The following EZH2 variants were observed in gnomAD, a reference collection of about 807,000 sequenced individuals.
The protein encoded by EZH2 is histone-lysine N-methyltransferase EZH2.
EZH2 carries 18 observed loss-of-function variants against 98.4 expected under a neutral mutation model. The ratio of observed to expected loss-of-function variants is 0.18; its 90% CI spans 0.13 to 0.27. EZH2 has a LOEUF of 0.27. EZH2 is among the 10% of genes least tolerant of loss of function. The pLI is 1.00. For synonymous variants in EZH2, 338 were observed against 312.3 expected (o/e 1.08, Z -0.87); for missense variants, 470 against 935.1 (o/e 0.50, Z 6.49).
Position 148,859,409 on chromosome 7 carries a change from G to A in EZH2, c.-7-12104C>T, listed in dbSNP as rs143925669. Among the ~76,000 whole-genome samples the A allele has an allele frequency of 1.7e-4, 26 of 152,158 alleles. No homozygotes were observed. The East Asian group carries it at 4.6e-3, about 27-fold the overall frequency. ...TAGTCCCGGCTACTAAGGAGGCTGA[G>A]GCATGAGAATCACTTGAGCCCAGGA... is the stretch of plus-strand genomic sequence containing the variant. On this transcript the variant is annotated intron_variant, in intron 1 of 19. Transcript: ENST00000320356.
intron 3 of EZH2, among the ~76,000 whole-genome samples, chr7:148,844,315 T>C (rs894228057): frequency 6.6e-6 from 1 of 152,246 alleles, no homozygotes; most frequent in African/African-American, 2.4e-5. Context: ...CAGTCCTTTT[T>C]AGCCCTAAAG....
rs988279632 is a variant in EZH2 at position 148,807,562 on chromosome 7, TTC to T, written c.*82_*83del. 6.4e-5 allele frequency: 71 copies of T among 1,115,432 alleles called. No homozygotes were observed. The highest frequency in any genetic ancestry group is 8.4e-5 in the Non-Finnish European group (63 of 751,202). The allele number at this position is 1,115,432 out of a possible 1,614,324, so 69.1% of individuals were successfully genotyped here. A position where few individuals can be genotyped will look rare whatever the true frequency, so the allele number is the denominator to read the frequency against. ...CAAATTCAGAATTTCAAACTGCATG[TTC>T]TTTTTCTAAATTGCCCACAGTACTC... On this transcript the variant is annotated 3_prime_UTR_variant, in exon 20 of 20. Coordinates refer to ENST00000320356, the MANE Select transcript of EZH2 (RefSeq NM_004456.5).
At chr7:148,810,973 C>A (rs1802896084) in intron 16 of EZH2, among the ~76,000 whole-genome samples, 1 of 150,158 alleles carries the variant, frequency 6.7e-6, no homozygotes. Context: ...TTTTCGGTAA[C>A]ACTGTCGACA....
chr7:148,848,303 C>T (rs932338787), intron 1 of EZH2, among the ~76,000 whole-genome samples: 2 of 151,874 alleles, frequency 1.3e-5, no homozygotes, highest in Non-Finnish European at 1.5e-5. Flanking sequence ...CACAGCATCC[C>T]GACAAGGGGT....
At chr7:148,838,060 C>T (rs1217793885) in intron 3 of EZH2, among the ~76,000 whole-genome samples, 2 of 128,400 alleles carry the variant, frequency 1.6e-5, no homozygotes, top group Admixed American at 9.7e-5. Flanking sequence ...GAAGTTTAGA[C>T]TCCTTTTTTT....
chr7:148,866,849 A>G (rs1818622975), intron 1 of EZH2, among the ~76,000 whole-genome samples: 1 of 149,586 alleles, frequency 6.7e-6, no homozygotes, highest in Non-Finnish European at 1.5e-5. Context: ...CAAGTAGCTG[A>G]GACTACAGGT....
chr7:148,839,066 A>AAGGG (rs1240407393), intron 3 of EZH2, among the ~76,000 whole-genome samples: 1 of 128,750 alleles, frequency 7.8e-6, no homozygotes, highest in Non-Finnish European at 1.7e-5. Context: ...GGAAGGAAGG[A>AAGGG]AGGAAGGAAG....
chr7:148,833,006 A>C (rs1378415137), intron 3 of EZH2, among the ~76,000 whole-genome samples: 1 of 152,214 alleles, frequency 6.6e-6, no homozygotes, highest in African/African-American at 2.4e-5. Flanking sequence ...AGTAAGAATC[A>C]AAAACTGTAC....
chr7:148,817,257 T>C lies in EZH2; in HGVS notation c.1375A>G (p.Ile459Val). Residue 459 changes from isoleucine to valine, a missense_variant, in exon 11 of 20, where the codon ATT (isoleucine) becomes GTT (valine). This residue lies in a region of EZH2 where 192 missense variants were observed against 306.8 expected (regional missense o/e 0.63). Transcript: ENST00000320356. Reference sequence around the variant, plus strand: ...GTTTTGGTCCCAATTAACCTAGCAATGGCACAGAAATTGTCATAGTAAGTG... The same window carrying C: ...GTTTTGGTCCCAATTAACCTAGCAACGGCACAGAAATTGTCATAGTAAGTG... ...IGTYYDNFCA[I>V]ARLIGTKTCR... 1 of 1,613,962 alleles carries C rather than the reference T, an allele frequency of 6.2e-7. No individual in the cohort carries two copies. Among genetic ancestry groups the C allele is most frequent in the Non-Finnish European group, 8.5e-7 (1 of 1,179,990 alleles).
At chr7:148,832,450 G>A (rs1456025134) in intron 4 of EZH2, among the ~76,000 whole-genome samples, 184 bp downstream of exon 4, 1 of 152,116 alleles carries the variant, frequency 6.6e-6, no homozygotes, top group Non-Finnish European at 1.5e-5. Flanking sequence ...TATAGGAAAA[G>A]AGTAATACTG....
chr7:148,865,082 G>A (rs528937569), intron 1 of EZH2, among the ~76,000 whole-genome samples: 8 of 150,702 alleles, frequency 5.3e-5, no homozygotes, highest in African/African-American at 1.7e-4. Context: ...AGCTGAGATC[G>A]CGCCACTGCT....
intron 1 of EZH2, among the ~76,000 whole-genome samples, chr7:148,871,374 G>C (rs1409291521): frequency 7.3e-6 from 1 of 137,616 alleles, no homozygotes; most frequent in African/African-American, 2.7e-5. Flanking sequence ...ATGCAGAAGA[G>C]TGGTTCCAAA....
chr7:148,837,109 G>A (rs113435209), intron 3 of EZH2: 1 of 392,318 alleles, frequency 2.5e-6, no homozygotes, highest in Non-Finnish European at 5.0e-6. Flanking sequence ...TGTGAGGTAG[G>A]TATGACTCCC....
intron 1 of EZH2, among the ~76,000 whole-genome samples, chr7:148,850,185 AT>A (rs1291769843): frequency 1.3e-5 from 2 of 151,872 alleles, no homozygotes; most frequent in African/African-American, 4.8e-5. Context: ...CGCCAGGCTA[AT>A]TTTTTGTATT....
At chr7:148,846,673 G>A (rs1338579085) in intron 2 of EZH2, 75 bp from the exon 3 acceptor site, 2 of 1,353,768 alleles carry the variant, frequency 1.5e-6, no homozygotes, top group African/African-American at 1.5e-5. Flanking sequence ...TGTAAAGCAG[G>A]TTAAAAATCT....
intron 16 of EZH2, 31 bp from the exon 17 acceptor site, chr7:148,810,445 T>C (rs1310913459): frequency 2.6e-6 from 4 of 1,518,436 alleles, no homozygotes; most frequent in Non-Finnish European, 3.7e-6. Flanking sequence ...GAAAATTCTT[T>C]TGGATAAAGG....
At chr7:148,849,894 T>C (rs184811763) in intron 1 of EZH2, among the ~76,000 whole-genome samples, 48 of 152,340 alleles carry the variant, frequency 3.2e-4, no homozygotes, top group African/African-American at 9.1e-4. Flanking sequence ...CATTCGCTCA[T>C]AGGCTAATCA....
intron 8 of EZH2, 132 bp from the exon 9 acceptor site, chr7:148,819,819 A>G (rs1805505911): frequency 4.2e-6 from 3 of 714,402 alleles, no homozygotes; most frequent in East Asian, 5.5e-5. Flanking sequence ...ACTTCATACA[A>G]CTTTCCTTCA....
chr7:148,853,186 C>T (rs1563042568), intron 1 of EZH2, among the ~76,000 whole-genome samples: 1 of 152,122 alleles, frequency 6.6e-6, no homozygotes. Context: ...CCAAGGCAGG[C>T]AGATCACTTG....
Sources: allele counts gnomAD v4.1 joint callset (sites outside exome capture counted in the v4.1 genomes callset), GRCh38; gene constraint gnomAD v4.1.1; regional missense constraint gnomAD v4.1.1; transcripts MANE v1.5; gene names NCBI Gene and HGNC (gene_info 2026-07-23, HGNC 2026-07-21).